The following SFXN5 variants were observed in gnomAD, a reference collection of about 807,000 sequenced individuals.
SFXN5 encodes sideroflexin-5.
A neutral mutation model predicts 50.2 loss-of-function variants in SFXN5; 43 were observed. That is an observed-to-expected ratio of 0.86 (90% CI 0.67 to 1.11). The LOEUF is 1.11. SFXN5 is among the 50% of genes least tolerant of loss of function. SFXN5 has a pLI of 0.00. For missense variants in SFXN5, 463 were observed against 454.1 expected, an observed-to-expected ratio of 1.02 and a Z score of -0.18; for synonymous variants, 203 against 185.8, an observed-to-expected ratio of 1.09 and a Z score of -0.75.
At chr2:73,048,175 T>C (rs576993074) in intron 2 of SFXN5, among the ~76,000 whole-genome samples, 2 of 152,340 alleles carry the variant, frequency 1.3e-5, no homozygotes, top group South Asian at 2.1e-4. Context: ...ATTCCTTATA[T>C]ATATTTATAT....
chr2:72,990,472 T>TTC (rs1361155911), intron 9 of SFXN5, among the ~76,000 whole-genome samples: 1 of 151,812 alleles, frequency 6.6e-6, no homozygotes, highest in Non-Finnish European at 1.5e-5. Context: ...AGAGAAAGTG[T>TTC]GGGAGGAAGC....
At chr2:72,994,127 AGGG>A (rs957108748) in intron 9 of SFXN5, among the ~76,000 whole-genome samples, 1 of 152,202 alleles carries the variant, frequency 6.6e-6, no homozygotes, top group African/African-American at 2.4e-5. Context: ...AAAAGGAAAA[AGGG>A]GTCTCTGTGT....
intron 6 of SFXN5, among the ~76,000 whole-genome samples, chr2:73,012,703 C>CAG (rs1675681444): frequency 8.0e-6 from 1 of 125,182 alleles, no homozygotes; most frequent in African/African-American, 3.1e-5. Flanking sequence ...CACACACACA[C>CAG]AGCCTAAATA....
chr2:72,955,775 T>C (rs1286421052), intron 13 of SFXN5, among the ~76,000 whole-genome samples: 1 of 152,144 alleles, frequency 6.6e-6, no homozygotes. Context: ...TGTATGTCTG[T>C]GTTGCAGTGG....
rs182084390 is a variant in SFXN5 at position 73,046,967 on chromosome 2, C to T, written c.172-6036G>A. Among the ~76,000 whole-genome samples the T allele has an allele frequency of 7.2e-3, 1,079 of 150,668 alleles. 10 individuals carry two copies. Among genetic ancestry groups the T allele is most frequent in the Non-Finnish European group, 8.3e-3 (565 of 67,716 alleles). ...TTGGGCCGGGTGCGGTGGCTCACACCTGTAATCCCAGCACTTTGGGAGGCC... is the reference window on the plus strand; with the variant it reads ...TTGGGCCGGGTGCGGTGGCTCACACTTGTAATCCCAGCACTTTGGGAGGCC... On this transcript the variant is annotated intron_variant, in intron 2 of 13. Coordinates refer to ENST00000272433, the MANE Select transcript of SFXN5 (RefSeq NM_144579.3).
At chr2:72,955,306 A>G (rs1672969257) in intron 13 of SFXN5, among the ~76,000 whole-genome samples, 2 of 152,192 alleles carry the variant, frequency 1.3e-5, no homozygotes, top group African/African-American at 4.8e-5. Flanking sequence ...TTCACGCAGT[A>G]ATCCCGCTGC....
intron 13 of SFXN5, among the ~76,000 whole-genome samples, chr2:72,956,455 T>C (rs1398497613): frequency 6.6e-6 from 1 of 152,060 alleles, no homozygotes; most frequent in Non-Finnish European, 1.5e-5. Context: ...GGGATGTTCC[T>C]GCTGATAAAT....
rs990918312 is a variant in SFXN5, at chr2:72,960,161, C to T, written c.945+970G>A. 1.3e-5 allele frequency among the ~76,000 whole-genome samples: 2 copies of T among 152,102 alleles called. No homozygotes were observed. The highest frequency in any genetic ancestry group is 2.4e-5 in the African/African-American group (1 of 41,400). On this transcript the variant is annotated intron_variant, in intron 13 of 13. Transcript: ENST00000272433. This position sits in a 1 kb window ranked among gnomAD's most constrained non-coding sequence, Gnocchi z 6.1. Reference sequence around the variant, plus strand: ...TCATGCTGGTAGGCTCTACTTCTATCCCTCCAGCCCAGGCGTCTCTCCTCA... The same window carrying T: ...TCATGCTGGTAGGCTCTACTTCTATTCCTCCAGCCCAGGCGTCTCTCCTCA...
chr2:73,006,892 C>T (rs540139013), intron 6 of SFXN5, among the ~76,000 whole-genome samples: 161 of 152,338 alleles, frequency 1.1e-3, no homozygotes, highest in African/African-American at 3.5e-3. Flanking sequence ...CCCTGACAGG[C>T]CCAGGAAGAG....
intron 3 of SFXN5, among the ~76,000 whole-genome samples, chr2:73,023,923 C>A (rs1677231348): frequency 1.3e-5 from 2 of 152,196 alleles, no homozygotes; most frequent in South Asian, 4.1e-4. Context: ...ACTTGTCAAT[C>A]CCTTCAAATG....
At chr2:72,946,840 T>C (rs1336896923) in intron 13 of SFXN5, among the ~76,000 whole-genome samples, 1 of 152,174 alleles carries the variant, frequency 6.6e-6, no homozygotes, top group Non-Finnish European at 1.5e-5. Context: ...CACTGTGAAA[T>C]GGCTCCATGG....
At chr2:72,954,073 A>T (rs1672819113) in intron 13 of SFXN5, among the ~76,000 whole-genome samples, 1 of 152,156 alleles carries the variant, frequency 6.6e-6, no homozygotes, top group Non-Finnish European at 1.5e-5. Context: ...CTCGTCTACC[A>T]CATGGGTGTG....
At chr2:73,053,173 CGAA>C (rs1559209917) in intron 2 of SFXN5, among the ~76,000 whole-genome samples, 1 of 135,614 alleles carries the variant, frequency 7.4e-6, no homozygotes. Context: ...GACTCTGCCT[CGAA>C]AAAAAAAAAA....
At chr2:72,964,007 A>T (rs1484769571) in intron 12 of SFXN5, among the ~76,000 whole-genome samples, 1 of 152,094 alleles carries the variant, frequency 6.6e-6, no homozygotes, top group African/African-American at 2.4e-5. Context: ...CTGACTTGAG[A>T]TTCTTTTCCT....
At chr2:72,985,486 C>T (rs1671798823) in intron 10 of SFXN5, among the ~76,000 whole-genome samples, 1 of 147,782 alleles carries the variant, frequency 6.8e-6, no homozygotes, top group Admixed American at 7.1e-5. Context: ...ACTGTGTCAG[C>T]ATGGACTAGG....
chr2:72,975,824 T>C (rs1264845008), intron 10 of SFXN5, among the ~76,000 whole-genome samples: 1 of 152,202 alleles, frequency 6.6e-6, no homozygotes, highest in African/African-American at 2.4e-5. Flanking sequence ...ATGCAGAAGA[T>C]CGTCTGCCAG....
chr2:73,067,512 G>A (rs1683263346), intron 1 of SFXN5, among the ~76,000 whole-genome samples: 1 of 152,214 alleles, frequency 6.6e-6, no homozygotes, highest in African/African-American at 2.4e-5. Context: ...CAATGGGTGA[G>A]GGCTAGGCAG....
intron 5 of SFXN5, among the ~76,000 whole-genome samples, chr2:73,022,169 G>C (rs773634167): frequency 1.3e-5 from 2 of 152,194 alleles, no homozygotes; most frequent in African/African-American, 2.4e-5. Flanking sequence ...CGGTGAGAGG[G>C]GGAATGACTT....
intron 9 of SFXN5, chr2:72,995,102 C>A: frequency 6.6e-6 from 1 of 152,382 alleles, no homozygotes. Flanking sequence ...ATATACCAGT[C>A]CCTGAAGCCC....
Sources: gnomAD v4.1 joint callset for allele counts (sites outside exome capture counted in the v4.1 genomes callset) on GRCh38, gnomAD v4.1.1 for gene constraint, Gnocchi (gnomAD v3.1) non-coding constraint, MANE v1.5 for transcripts, NCBI Gene and HGNC (gene_info 2026-07-23, HGNC 2026-07-21) for gene names.